The following P2RX7 variants were observed in gnomAD, a reference collection of about 807,000 sequenced individuals.
P2RX7 encodes P2X purinoceptor 7.
Under a neutral mutation model 71.6 loss-of-function variants are expected in P2RX7, and 62 were observed. That is an observed-to-expected ratio of 0.87 (90% CI 0.71 to 1.07). The LOEUF (loss-of-function observed/expected upper bound fraction) is 1.07. P2RX7 is among the 50% of genes least tolerant of loss of function. The probability of loss-of-function intolerance (pLI) is 0.00; values close to 1 mark genes in which losing one functional copy is unlikely to be tolerated. For synonymous variants in P2RX7, 299 were observed against 283.3 expected, an observed-to-expected ratio of 1.06 and a Z score of -0.56; for missense variants, 686 against 748.5, an observed-to-expected ratio of 0.92 and a Z score of 0.97.
chr12:121,153,514 C>G (rs1287967406), intron 1 of P2RX7, among the ~76,000 whole-genome samples: 2 of 152,002 alleles, frequency 1.3e-5, no homozygotes, highest in African/African-American at 4.8e-5. Context: ...CTTGTCTCTA[C>G]TAAAAATACA....
intron 5 of P2RX7, among the ~76,000 whole-genome samples, chr12:121,163,945 C>T (rs113838402): frequency 0.021 from 3,212 of 152,104 alleles, 53 homozygotes; most frequent in South Asian, 0.065. Flanking sequence ...ATGGGGGGTG[C>T]GCTCAGCAGC....
intron 3 of P2RX7, among the ~76,000 whole-genome samples, chr12:121,159,969 G>T (rs896237780): frequency 6.6e-6 from 1 of 151,978 alleles, no homozygotes; most frequent in Admixed American, 6.6e-5. Context: ...ATTTGTATTG[G>T]GATATAATTC....
intron 1 of P2RX7, 75 bp downstream of exon 1, chr12:121,133,170 G>T (rs1872780488): frequency 6.5e-7 from 1 of 1,530,500 alleles, no homozygotes. Flanking sequence ...GCAGCTTCAG[G>T]TGCACATTCT....
rs201290390 is a variant in P2RX7 at position 121,184,642 on chromosome 12, G to A, written c.1628G>A (p.Ser543Asn). ...GCGCTGGATGTGGATTCCACCAACA[G>A]CCGGCTGCGGCACTGTGCCTACAGG... ...LLALDVDSTN[S>N]RLRHCAYRCY... The change falls in exon 13 of 13, where the codon AGC becomes AAC. Residue 543 changes from serine to asparagine, a missense_variant. Coordinates refer to ENST00000328963, the MANE Select transcript of P2RX7 (RefSeq NM_002562.6). 2.2e-5 allele frequency: 36 copies of A among 1,603,056 alleles called. No homozygotes were observed. Among genetic ancestry groups the A allele is most frequent in the Non-Finnish European group, 2.7e-5 (32 of 1,175,300 alleles).
At position 121,184,554 on chromosome 12, in the gene P2RX7, A is replaced by G. The variant is rs1565982821; in HGVS notation, c.1540A>G (p.Arg514Gly). The change falls in exon 13 of 13, where the codon AGG (arginine) becomes GGG (glycine). Residue 514 changes from arginine to glycine, a missense_variant. Physicochemically the swap from Arg to Gly is moderately radical, Grantham distance 125. Transcript: ENST00000328963. Reference protein sequence around the residue: ...GACITTSELFRKLVLSRHVLQ... With the variant: ...GACITTSELFGKLVLSRHVLQ... ...CTGCATCACCACCTCAGAGCTGTTC[A>G]GGAAGCTGGTCCTGTCCAGACACGT... is the stretch of plus-strand genomic sequence containing the variant. 18 of 1,614,224 alleles carry G rather than the reference A, an allele frequency of 1.1e-5. No individual in the cohort carries two copies. Among genetic ancestry groups the G allele is most frequent in the South Asian group, 5.5e-5 (5 of 91,084 alleles).
intron 12 of P2RX7, among the ~76,000 whole-genome samples, chr12:121,181,622 G>A (rs540473775): frequency 6.6e-6 from 1 of 152,210 alleles, no homozygotes; most frequent in East Asian, 1.9e-4. Flanking sequence ...TTGGGAGGCT[G>A]AGGCAGGCAG....
At chr12:121,152,082 G>A (rs1877542275) in intron 1 of P2RX7, among the ~76,000 whole-genome samples, 1 of 151,536 alleles carries the variant, frequency 6.6e-6, no homozygotes. Flanking sequence ...CCGGTTCAAA[G>A]GATTCTCCTG....
intron 8 of P2RX7, among the ~76,000 whole-genome samples, chr12:121,173,468 G>A (rs1441834030): frequency 6.6e-6 from 1 of 152,156 alleles, no homozygotes; most frequent in Non-Finnish European, 1.5e-5. Context: ...TTACAGGCGT[G>A]AGCCATTGCA....
intron 8 of P2RX7, among the ~76,000 whole-genome samples, chr12:121,169,757 A>G (rs1231000938): frequency 6.6e-6 from 1 of 152,114 alleles, no homozygotes; most frequent in African/African-American, 2.4e-5. Flanking sequence ...AATAATTTTT[A>G]AAACATCAGC....
chr12:121,164,833 GA>G (rs942865711), intron 5 of P2RX7, among the ~76,000 whole-genome samples: 4 of 151,700 alleles, frequency 2.6e-5, no homozygotes, highest in Admixed American at 6.6e-5. Flanking sequence ...AATACTTTAC[GA>G]AAAAAAAGAG....
intron 1 of P2RX7, among the ~76,000 whole-genome samples, chr12:121,134,596 A>T (rs747263896): frequency 1.3e-5 from 2 of 151,930 alleles, no homozygotes; most frequent in South Asian, 2.1e-4. Context: ...TTCGCCATGT[A>T]GGCCAGGCTG....
intron 1 of P2RX7, among the ~76,000 whole-genome samples, chr12:121,134,183 A>G (rs927472965): frequency 5.9e-5 from 9 of 152,206 alleles, no homozygotes; most frequent in Non-Finnish European, 1.2e-4. Context: ...TTATGTGGAT[A>G]TATATTCTCC....
At chr12:121,161,812 G>A (rs1283553474) in intron 4 of P2RX7, among the ~76,000 whole-genome samples, 1 of 149,546 alleles carries the variant, frequency 6.7e-6, no homozygotes, top group Admixed American at 6.7e-5. Context: ...AAAGGCACAG[G>A]GCAATTTTAA....
intron 1 of P2RX7, among the ~76,000 whole-genome samples, chr12:121,148,341 A>T (rs1876683409): frequency 6.6e-6 from 1 of 151,688 alleles, no homozygotes; most frequent in South Asian, 2.1e-4. Context: ...CAGCCTCCCA[A>T]GTAGCTGGAA....
At chr12:121,150,983 C>T (rs868736939) in intron 1 of P2RX7, among the ~76,000 whole-genome samples, 15 of 152,306 alleles carry the variant, frequency 9.8e-5, no homozygotes, top group Middle Eastern at 3.4e-3. Flanking sequence ...TACCACCATC[C>T]AACTTAAGAA....
At chr12:121,165,533 C>A in intron 6 of P2RX7, 96 bp downstream of exon 6, 1 of 957,268 alleles carries the variant, frequency 1.0e-6, no homozygotes, top group South Asian at 1.4e-5. Flanking sequence ...CGCCTATTGT[C>A]TCCCACGGTT....
At chr12:121,155,791 G>T (rs372497185) in intron 2 of P2RX7, among the ~76,000 whole-genome samples, 12 of 149,340 alleles carry the variant, frequency 8.0e-5, no homozygotes, top group Non-Finnish European at 1.6e-4. Flanking sequence ...TTTTTACTGC[G>T]TAAAAAAAAA....
At chr12:121,164,802 A>G (rs988777943) in intron 5 of P2RX7, among the ~76,000 whole-genome samples, 1 of 152,102 alleles carries the variant, frequency 6.6e-6, no homozygotes, top group African/African-American at 2.4e-5. Flanking sequence ...AAAAATAAAA[A>G]TAAAGAACTA....
intron 3 of P2RX7, among the ~76,000 whole-genome samples, chr12:121,160,271 C>A (rs150466181): frequency 6.6e-6 from 1 of 152,118 alleles, no homozygotes; most frequent in East Asian, 1.9e-4. Context: ...CCTCAGCCCC[C>A]CTAGTAGCTG....
Sources: allele counts gnomAD v4.1 joint callset (sites outside exome capture counted in the v4.1 genomes callset), GRCh38; gene constraint gnomAD v4.1.1; transcripts MANE v1.5; gene names NCBI Gene and HGNC (gene_info 2026-07-23, HGNC 2026-07-21).